EGFLAM: variants seen among roughly 807,000 people sequenced by gnomAD.
The protein encoded by EGFLAM is pikachurin.
In EGFLAM, 79 loss-of-function variants were observed where a neutral mutation model predicts 113.1. That is an observed-to-expected ratio of 0.70 (90% CI 0.58 to 0.84). EGFLAM has a LOEUF of 0.84. Ranked by LOEUF, EGFLAM falls within the 40% of genes least tolerant of loss-of-function variation. The pLI is 0.00. For synonymous variants in EGFLAM, 504 were observed against 487.6 expected, an observed-to-expected ratio of 1.03 and a Z score of -0.44; for missense variants, 1,265 against 1,291.6, an observed-to-expected ratio of 0.98 and a Z score of 0.32.
intron 6 of EGFLAM, among the ~76,000 whole-genome samples, chr5:38,376,469 A>C (rs973855784): frequency 3.3e-5 from 5 of 152,230 alleles, no homozygotes; most frequent in Non-Finnish European, 7.3e-5. Context: ...GAACAAATAC[A>C]TTCTTCACTG....
At chr5:38,294,654 T>C (rs369211969) in intron 1 of EGFLAM, among the ~76,000 whole-genome samples, 109 of 152,206 alleles carry the variant, frequency 7.2e-4, no homozygotes, top group African/African-American at 2.5e-3. Flanking sequence ...ATCATTTTCA[T>C]TGTTAAAAAA....
intron 6 of EGFLAM, among the ~76,000 whole-genome samples, chr5:38,395,920 A>G (rs1033714600): frequency 2.6e-5 from 4 of 152,104 alleles, no homozygotes; most frequent in African/African-American, 9.7e-5. Flanking sequence ...TTTCTAGCAG[A>G]TCATCCCCAT....
At chr5:38,285,238 G>T (rs1758127201) in intron 1 of EGFLAM, among the ~76,000 whole-genome samples, 1 of 152,188 alleles carries the variant, frequency 6.6e-6, no homozygotes, top group African/African-American at 2.4e-5. Context: ...AGTGCAGAAT[G>T]CTTCTAGATT....
intron 1 of EGFLAM, among the ~76,000 whole-genome samples, chr5:38,307,785 A>G (rs1425174882): frequency 2.6e-5 from 4 of 152,236 alleles, no homozygotes; most frequent in Admixed American, 2.6e-4. Context: ...CTGCTTAGAC[A>G]TGCAGGGGAC....
chr5:38,356,848 T>C (rs1054015103), intron 5 of EGFLAM, among the ~76,000 whole-genome samples: 5 of 152,252 alleles, frequency 3.3e-5, no homozygotes, highest in Non-Finnish European at 5.9e-5. Flanking sequence ...AACTGCAGTT[T>C]GTGTGTGCTA....
chr5:38,275,755 G>A (rs1757869405), intron 1 of EGFLAM, among the ~76,000 whole-genome samples: 1 of 152,162 alleles, frequency 6.6e-6, no homozygotes, highest in Non-Finnish European at 1.5e-5. Flanking sequence ...TCTAACAGTT[G>A]CAGAATACAC....
At chr5:38,330,535 C>A (rs529907194) in intron 1 of EGFLAM, among the ~76,000 whole-genome samples, 5 of 152,190 alleles carry the variant, frequency 3.3e-5, no homozygotes, top group Admixed American at 1.3e-4. Context: ...GAATTAATTT[C>A]TTCAGTCTTT....
At chr5:38,453,641 G>A (rs1414681605) in intron 19 of EGFLAM, among the ~76,000 whole-genome samples, 3 of 152,028 alleles carry the variant, frequency 2.0e-5, no homozygotes, top group African/African-American at 7.2e-5. Context: ...TAGCCCAGAG[G>A]TTGAACACGG....
At chr5:38,378,311 T>C (rs975952418) in intron 6 of EGFLAM, among the ~76,000 whole-genome samples, 1 of 152,138 alleles carries the variant, frequency 6.6e-6, no homozygotes, top group Non-Finnish European at 1.5e-5. Context: ...CCAGTTTTGC[T>C]CTGAGATTTG....
At chr5:38,353,888 C>T (rs1739693670) in intron 5 of EGFLAM, among the ~76,000 whole-genome samples, 1 of 152,222 alleles carries the variant, frequency 6.6e-6, no homozygotes, top group Non-Finnish European at 1.5e-5. Flanking sequence ...GAGTGGCTTT[C>T]TCCATGGACC....
intron 19 of EGFLAM, among the ~76,000 whole-genome samples, chr5:38,454,679 T>C (rs1352010731): frequency 6.6e-6 from 1 of 152,196 alleles, no homozygotes; most frequent in Non-Finnish European, 1.5e-5. Flanking sequence ...GAGTGAATTG[T>C]TCTACAGAGC....
chr5:38,448,857 CCTGCGT>C (rs371264160), intron 18 of EGFLAM, among the ~76,000 whole-genome samples: 1 of 152,286 alleles, frequency 6.6e-6, no homozygotes, highest in African/African-American at 2.4e-5. Flanking sequence ...CCATACCTAC[CCTGCGT>C]CTTCATCAGC....
At chr5:38,354,785 G>A (rs1411100092) in intron 5 of EGFLAM, among the ~76,000 whole-genome samples, 2 of 152,166 alleles carry the variant, frequency 1.3e-5, no homozygotes, top group East Asian at 1.9e-4. Flanking sequence ...GATAATCTGT[G>A]TAACCCTGAG....
intron 12 of EGFLAM, among the ~76,000 whole-genome samples, chr5:38,421,490 G>A (rs1194418227): frequency 1.3e-5 from 2 of 152,140 alleles, no homozygotes; most frequent in Non-Finnish European, 2.9e-5. Flanking sequence ...TATGGCTTAC[G>A]AGCTCTTTTC....
chr5:38,461,285 T>C (rs1048170801), intron 20 of EGFLAM: 25 of 152,180 alleles, frequency 1.6e-4, no homozygotes, highest in African/African-American at 4.6e-4. Context: ...TGAAGAAAAT[T>C]AACATCCTTG....
At position 38,299,793 on chromosome 5, in the gene EGFLAM, G is replaced by A. The variant is rs547696192; in HGVS notation, c.98-37727G>A. Among the ~76,000 whole-genome samples, 195 of 152,218 alleles carry A rather than the reference G, an allele frequency of 1.3e-3. 1 individual carries two copies. Among genetic ancestry groups the A allele is most frequent in the African/African-American group, 4.6e-3 (192 of 41,530 alleles). ...TGGTTCTTCATTTGCCTTCTGCAAT[G>A]ATTGAAAGCTGCAAATTCTGATAGC... On this transcript the variant is annotated intron_variant, in intron 1 of 21. Coordinates refer to ENST00000322350, the MANE Select transcript of EGFLAM (RefSeq NM_152403.4).
chr5:38,350,719 C>T, intron 4 of EGFLAM, 101 bp downstream of exon 4: 4 of 1,135,056 alleles, frequency 3.5e-6, no homozygotes, highest in Non-Finnish European at 5.0e-6. Flanking sequence ...AAGCACTGTG[C>T]TAGGCTCTGG....
Position 38,288,240 on chromosome 5 carries a change from G to A in EGFLAM, c.97+29389G>A, listed in dbSNP as rs370210069. ...GTTAAAGATAAAAGGGCTTTAATATGTGGTAAGGCTGTTTTATTGTATTAT... is the reference window on the plus strand; with the variant it reads ...GTTAAAGATAAAAGGGCTTTAATATATGGTAAGGCTGTTTTATTGTATTAT... On this transcript the variant is annotated intron_variant, in intron 1 of 21. Transcript: ENST00000322350. Among the ~76,000 whole-genome samples, 5 of 152,298 alleles carry A rather than the reference G, an allele frequency of 3.3e-5. No individual in the cohort carries two copies. The South Asian group carries it at 8.3e-4, about 25-fold the overall frequency.
At position 38,385,303 on chromosome 5, in the gene EGFLAM, G is replaced by A. The variant is rs911387177; in HGVS notation, c.712+14841G>A. Among the ~76,000 whole-genome samples the A allele has an allele frequency of 6.7e-4, 10 of 14,930 alleles. No individual in the cohort carries two copies. In the East Asian group the frequency reaches 8.1e-3, roughly 12 times the overall value. 9.8% of individuals were successfully genotyped at this position (14,930 alleles called of 152,430 possible). A position where few individuals can be genotyped will look rare whatever the true frequency, so the allele number is the denominator to read the frequency against. On this transcript the variant is annotated intron_variant, in intron 6 of 21. Transcript: ENST00000322350. ...ACCCCCCCCCCCCGCCCCCGCCACC[G>A]CCAACAAACACCAACATCCAAAGAT...
Sources: gnomAD v4.1 joint callset for allele counts (sites outside exome capture counted in the v4.1 genomes callset) on GRCh38, gnomAD v4.1.1 for gene constraint, MANE v1.5 for transcripts, NCBI Gene and HGNC (gene_info 2026-07-23, HGNC 2026-07-21) for gene names.